ROBO2: variants seen among roughly 807,000 people sequenced by gnomAD.
ROBO2 encodes the protein roundabout homolog 2.
A neutral mutation model predicts 160.8 loss-of-function variants in ROBO2; 53 were observed. The observed-to-expected ratio is 0.33, with a 90% CI of 0.26 to 0.41. The LOEUF (loss-of-function observed/expected upper bound fraction) is 0.41. Ranked by LOEUF, ROBO2 falls within the 10% of genes least tolerant of loss-of-function variation. ROBO2 has a pLI of 1.00. For missense variants in ROBO2, 1,577 were observed against 1,722.4 expected, an observed-to-expected ratio of 0.92 and a Z score of 1.49; for synonymous variants, 664 against 611.7, an observed-to-expected ratio of 1.09 and a Z score of -1.26.
chr3:76,234,626 A>G (rs1704826607), intron 2 of ROBO2, among the ~76,000 whole-genome samples: 1 of 152,152 alleles, frequency 6.6e-6, no homozygotes, highest in South Asian at 2.1e-4. Context: ...GTATTTATTT[A>G]ATTACCGATG....
At chr3:76,656,274 C>CAAATTAGTTA (rs1189870105) in intron 2 of ROBO2, among the ~76,000 whole-genome samples, 1 of 152,058 alleles carries the variant, frequency 6.6e-6, no homozygotes, top group East Asian at 1.9e-4. Context: ...TTTCAATGTC[C>CAAATTAGTTA]AAATTAGTTA....
chr3:77,525,816 A>T (rs2091093214), intron 6 of ROBO2, among the ~76,000 whole-genome samples: 1 of 150,244 alleles, frequency 6.7e-6, no homozygotes, highest in Non-Finnish European at 1.5e-5. Flanking sequence ...AATATCCTAC[A>T]CTCAAAACGC....
chr3:76,270,454 C>A (rs979287448), intron 2 of ROBO2, among the ~76,000 whole-genome samples: 1 of 151,990 alleles, frequency 6.6e-6, no homozygotes, highest in African/African-American at 2.4e-5. Context: ...AGATTATGAA[C>A]TCATAATAGA....
chr3:77,519,093 A>G (rs1324710364), intron 5 of ROBO2, among the ~76,000 whole-genome samples: 1 of 151,472 alleles, frequency 6.6e-6, no homozygotes, highest in Non-Finnish European at 1.5e-5. Context: ...GTTAAGATTA[A>G]TTCATTTTAT....
intron 2 of ROBO2, among the ~76,000 whole-genome samples, chr3:76,676,724 A>G (rs953726124): frequency 6.6e-6 from 1 of 152,190 alleles, no homozygotes; most frequent in Non-Finnish European, 1.5e-5. Flanking sequence ...GGAAATACAC[A>G]TGGAAACATG....
intron 2 of ROBO2, among the ~76,000 whole-genome samples, chr3:76,027,170 A>G (rs758660053): frequency 6.6e-6 from 1 of 151,990 alleles, no homozygotes; most frequent in Non-Finnish European, 1.5e-5. Flanking sequence ...CCATACACTT[A>G]TGCAATGTAT....
intron 2 of ROBO2, among the ~76,000 whole-genome samples, chr3:77,155,727 T>A (rs1435453606): frequency 1.3e-5 from 2 of 152,080 alleles, no homozygotes; most frequent in East Asian, 3.9e-4. Flanking sequence ...ACAGTTCTTT[T>A]GAAAGTCACC....
chr3:77,293,865 C>T (rs1277564258), intron 2 of ROBO2, among the ~76,000 whole-genome samples: 1 of 138,228 alleles, frequency 7.2e-6, no homozygotes, highest in African/African-American at 3.0e-5. Flanking sequence ...TAGATCACCC[C>T]AGATGTAAAG....
rs1355705147 is a variant in ROBO2 at position 76,858,209 on chromosome 3, C to T, written c.110-239805C>T. ...AAGTTGCAAGATCCTCAGGACAGGACGGGAGGACGGGCCATTATTATTTAT... is the reference window on the plus strand; with the variant it reads ...AAGTTGCAAGATCCTCAGGACAGGATGGGAGGACGGGCCATTATTATTTAT... On this transcript the variant is annotated intron_variant, in intron 2 of 26. Coordinates refer to the ROBO2 transcript ENST00000487694. Among the ~76,000 whole-genome samples the T allele has an allele frequency of 2.6e-5, 4 of 152,222 alleles. No individual in the cohort carries two copies. In the South Asian group the frequency reaches 6.2e-4, roughly 24 times the overall value.
chr3:76,519,619 C>A (rs1323790316), intron 2 of ROBO2, among the ~76,000 whole-genome samples: 1 of 152,106 alleles, frequency 6.6e-6, no homozygotes, highest in East Asian at 1.9e-4. Flanking sequence ...TTTTACGCTT[C>A]TCACTTTTGT....
chr3:76,441,805 G>A (rs973513210), intron 2 of ROBO2, among the ~76,000 whole-genome samples: 4 of 152,170 alleles, frequency 2.6e-5, no homozygotes, highest in African/African-American at 9.7e-5. Flanking sequence ...CTTGCTCTAG[G>A]CTGAATTGTC....
chr3:77,424,239 AT>A (rs1467728264), intron 2 of ROBO2, among the ~76,000 whole-genome samples: 1 of 152,180 alleles, frequency 6.6e-6, no homozygotes, highest in African/African-American at 2.4e-5. Context: ...TTTAAAATGA[AT>A]TTTAAAGGAC....
intron 2 of ROBO2, among the ~76,000 whole-genome samples, chr3:76,172,029 T>A (rs1435391359): frequency 1.3e-5 from 2 of 152,066 alleles, no homozygotes; most frequent in East Asian, 3.9e-4. Flanking sequence ...CCAGGTCAAC[T>A]CCTAAGTTTT....
intron 1 of ROBO2, among the ~76,000 whole-genome samples, chr3:77,090,513 C>T (rs2070054991): frequency 2.0e-5 from 3 of 151,600 alleles, no homozygotes; most frequent in Admixed American, 6.6e-5. Flanking sequence ...CCACCACGCC[C>T]GGCTAACTTT....
At chr3:77,298,658 C>T (rs531619119) in intron 2 of ROBO2, among the ~76,000 whole-genome samples, 7 of 152,146 alleles carry the variant, frequency 4.6e-5, no homozygotes, top group Non-Finnish European at 1.0e-4. Flanking sequence ...AGCTGACTAA[C>T]AGCAAGTTAT....
intron 2 of ROBO2, among the ~76,000 whole-genome samples, chr3:77,445,374 C>G (rs1402032429): frequency 6.6e-6 from 1 of 151,978 alleles, no homozygotes. Flanking sequence ...ATATATTAAA[C>G]AGAAAGCTTA....
chr3:76,332,789 T>A (rs2073588194), intron 2 of ROBO2, among the ~76,000 whole-genome samples: 1 of 152,202 alleles, frequency 6.6e-6, no homozygotes, highest in Admixed American at 6.5e-5. Context: ...TTCCAGATGA[T>A]TCATCCATAA....
At chr3:76,123,258 C>T (rs1319279607) in intron 2 of ROBO2, among the ~76,000 whole-genome samples, 2 of 151,996 alleles carry the variant, frequency 1.3e-5, no homozygotes, top group African/African-American at 4.8e-5. Flanking sequence ...TTGCATTTTC[C>T]GTGTATTTTT....
intron 2 of ROBO2, among the ~76,000 whole-genome samples, chr3:77,277,719 T>A (rs1015810278): frequency 2.6e-5 from 4 of 152,206 alleles, no homozygotes; most frequent in Admixed American, 2.6e-4. Context: ...ACATTTGGGT[T>A]GATTCCATGT....
Sources: gnomAD v4.1 joint callset for allele counts (sites outside exome capture counted in the v4.1 genomes callset) on GRCh38, gnomAD v4.1.1 for gene constraint, MANE v1.5 for transcripts, NCBI Gene and HGNC (gene_info 2026-07-23, HGNC 2026-07-21) for gene names.